FGF14: variants seen among roughly 807,000 people sequenced by gnomAD.
The protein encoded by FGF14 is fibroblast growth factor homologous factor 4.
In FGF14, 5 loss-of-function variants were observed where a neutral mutation model predicts 25.5. The observed-to-expected ratio is 0.20, with a 90% CI of 0.10 to 0.41. The LOEUF (loss-of-function observed/expected upper bound fraction) is 0.41. FGF14 is among the 10% of genes least tolerant of loss of function. The probability of loss-of-function intolerance (pLI) is 1.00; values close to 1 mark genes in which losing one functional copy is unlikely to be tolerated. For missense variants in FGF14, 222 were observed against 320.1 expected, an observed-to-expected ratio of 0.69 and a Z score of 2.34; for synonymous variants, 138 against 118.3, an observed-to-expected ratio of 1.17 and a Z score of -1.08.
intron 1 of FGF14, among the ~76,000 whole-genome samples, chr13:102,371,620 G>A (rs911408644): frequency 4.6e-5 from 7 of 152,068 alleles, no homozygotes; most frequent in Admixed American, 6.6e-5. Flanking sequence ...GCTCCACATG[G>A]ACAGAGATTT....
chr13:101,918,959 TAGCAAAAGTG>T (rs1282226862), upstream of FGF14, among the ~76,000 whole-genome samples: 1 of 152,204 alleles, frequency 6.6e-6, no homozygotes, highest in African/African-American at 2.4e-5. Context: ...ACTCATAAAA[TAGCAAAAGTG>T]AGAAAAAGGG....
intron 1 of FGF14, among the ~76,000 whole-genome samples, chr13:102,086,288 AGGCGG>A (rs1378611679): frequency 6.6e-6 from 1 of 152,150 alleles, no homozygotes; most frequent in Admixed American, 6.5e-5. Flanking sequence ...TTGGAGGCCG[AGGCGG>A]GTGGATCACA....
upstream of FGF14, among the ~76,000 whole-genome samples, chr13:101,920,509 A>T (rs2033920215): frequency 1.3e-5 from 2 of 152,212 alleles, no homozygotes; most frequent in South Asian, 4.1e-4. Context: ...TTTAGTAAAT[A>T]AATGTAAAGA....
At chr13:102,180,403 C>G (rs1485591105) in intron 1 of FGF14, among the ~76,000 whole-genome samples, 1 of 152,036 alleles carries the variant, frequency 6.6e-6, no homozygotes, top group Non-Finnish European at 1.5e-5. Flanking sequence ...ACCTTTGCCT[C>G]CTGGGTTCAA....
At chr13:101,966,180 G>T (rs996453) in intron 1 of FGF14, among the ~76,000 whole-genome samples, 25,503 of 152,166 alleles carry the variant, frequency 0.17, 2,508 homozygotes, top group Admixed American at 0.3. Flanking sequence ...AGGTAAGTGG[G>T]TTGAAATGAG....
chr13:101,978,392 C>A (rs1003980009), intron 1 of FGF14, among the ~76,000 whole-genome samples: 5 of 152,122 alleles, frequency 3.3e-5, no homozygotes, highest in African/African-American at 1.2e-4. Context: ...ACATCTCATC[C>A]TGGTTTCTGA....
intron 1 of FGF14, among the ~76,000 whole-genome samples, chr13:102,287,175 A>G (rs1170063071): frequency 1.3e-5 from 2 of 152,354 alleles, no homozygotes; most frequent in East Asian, 3.9e-4. Flanking sequence ...AGAGAAAAAA[A>G]TAGTGATAGC....
chr13:102,020,610 TCAGA>T (rs749031366), intron 1 of FGF14, among the ~76,000 whole-genome samples: 12 of 151,940 alleles, frequency 7.9e-5, no homozygotes, highest in Non-Finnish European at 1.3e-4. Flanking sequence ...AGCAGAAATG[TCAGA>T]CAAAGAGTGG....
At chr13:102,065,374 A>C (rs2042859609) in intron 1 of FGF14, among the ~76,000 whole-genome samples, 1 of 152,108 alleles carries the variant, frequency 6.6e-6, no homozygotes, top group Non-Finnish European at 1.5e-5. Flanking sequence ...CCAATAACTT[A>C]TTTCAATCAA....
chr13:101,879,730 G>C (rs1350435737), intron 1 of FGF14, among the ~76,000 whole-genome samples: 1 of 150,068 alleles, frequency 6.7e-6, no homozygotes, highest in Non-Finnish European at 1.5e-5. Context: ...GTTCTTAAAC[G>C]TAAGTTCTCT....
chr13:102,090,678 T>C (rs891572757), intron 1 of FGF14, among the ~76,000 whole-genome samples: 3 of 152,198 alleles, frequency 2.0e-5, no homozygotes, highest in Non-Finnish European at 4.4e-5. Context: ...CTTTCAGAAG[T>C]AGGGCTACGA....
chr13:102,347,406 G>A (rs771639987), intron 1 of FGF14, among the ~76,000 whole-genome samples: 4 of 152,094 alleles, frequency 2.6e-5, no homozygotes, highest in African/African-American at 9.7e-5. Context: ...GCTTGTCATC[G>A]GTGTCACAGA....
chr13:102,335,753 T>G (rs1268431768), intron 1 of FGF14, among the ~76,000 whole-genome samples: 1 of 152,206 alleles, frequency 6.6e-6, no homozygotes, highest in East Asian at 1.9e-4. Flanking sequence ...GTTGCACCAG[T>G]CTATCAGTGC....
At chr13:102,111,148 A>C (rs1462478174) in intron 1 of FGF14, among the ~76,000 whole-genome samples, 2 of 152,046 alleles carry the variant, frequency 1.3e-5, no homozygotes, top group Non-Finnish European at 1.5e-5. Flanking sequence ...ACCTGCAGGC[A>C]CCACTGCTTC....
chr13:102,239,360 T>C (rs2051479389), intron 1 of FGF14, among the ~76,000 whole-genome samples: 1 of 152,194 alleles, frequency 6.6e-6, no homozygotes, highest in African/African-American at 2.4e-5. Context: ...GTTCCATTAG[T>C]GCTACAGAAA....
At chr13:102,115,111 G>A (rs968132330) in intron 1 of FGF14, among the ~76,000 whole-genome samples, 3 of 152,076 alleles carry the variant, frequency 2.0e-5, no homozygotes, top group Admixed American at 1.3e-4. Context: ...TGATTTAGAG[G>A]GCTGCTTCTT....
At chr13:102,085,192 G>A (rs1013903553) in intron 1 of FGF14, among the ~76,000 whole-genome samples, 1 of 147,152 alleles carries the variant, frequency 6.8e-6, no homozygotes, top group Non-Finnish European at 1.5e-5. Context: ...CTAAAGCTAA[G>A]TTTTTCTCTT....
intron 1 of FGF14, among the ~76,000 whole-genome samples, chr13:102,285,095 T>C (rs981866196): frequency 6.6e-6 from 1 of 152,140 alleles, no homozygotes; most frequent in Non-Finnish European, 1.5e-5. Context: ...CATTTAGAAA[T>C]TGCAGCCACA....
chr13:101,712,054 C>T lies in FGF14; in HGVS notation c.*10777G>A, dbSNP rs2034493934. The T allele has an allele frequency of 2.6e-5, 4 of 152,226 alleles. No homozygotes were observed. The South Asian group carries it at 8.3e-4, about 32-fold the overall frequency. 9.4% of individuals were successfully genotyped at this position (152,226 alleles called of 1,614,324 possible). On this transcript the variant is annotated 3_prime_UTR_variant, in exon 5 of 5. Coordinates refer to ENST00000376143, the MANE Select transcript of FGF14 (RefSeq NM_004115.4). Reference sequence around the variant, plus strand: ...CCATTTAAGAGAGGCACAATTTGACCCATGTTATGGAAGAAAACAGCTAGA... The same window carrying T: ...CCATTTAAGAGAGGCACAATTTGACTCATGTTATGGAAGAAAACAGCTAGA...
Sources: gnomAD v4.1 joint callset for allele counts (sites outside exome capture counted in the v4.1 genomes callset) on GRCh38, gnomAD v4.1.1 for gene constraint, MANE v1.5 for transcripts, NCBI Gene and HGNC (gene_info 2026-07-23, HGNC 2026-07-21) for gene names.